The following RPS6KC1 variants were observed in gnomAD, a reference collection of about 807,000 sequenced individuals.
RPS6KC1 encodes inactive ribosomal protein S6 kinase delta-1.
A neutral mutation model predicts 103.8 loss-of-function variants in RPS6KC1; 54 were observed. That is an observed-to-expected ratio of 0.52 (90% CI 0.42 to 0.65). The LOEUF (loss-of-function observed/expected upper bound fraction) is 0.65. RPS6KC1 is among the 30% of genes least tolerant of loss of function. RPS6KC1 has a pLI of 0.00. For synonymous variants in RPS6KC1, 439 were observed against 438.7 expected (o/e 1.00, Z -0.01); for missense variants, 1,151 against 1,253.8 (o/e 0.92, Z 1.24).
At chr1:213,160,511 C>T (rs755392731) in intron 6 of RPS6KC1, among the ~76,000 whole-genome samples, 16 of 152,172 alleles carry the variant, frequency 1.1e-4, no homozygotes, top group Non-Finnish European at 1.8e-4. Context: ...ATTAAAGATA[C>T]TTTCCCTGAC....
chr1:213,736,766 T>C, the RPS6KC1 span, among the ~76,000 whole-genome samples: 3 of 152,260 alleles, frequency 2.0e-5, no homozygotes, highest in African/African-American at 7.2e-5. Context: ...TTGCCTGGAC[T>C]AGTTTTAGCA....
chr1:213,539,863 T>C, the RPS6KC1 span, among the ~76,000 whole-genome samples: 1 of 151,704 alleles, frequency 6.6e-6, no homozygotes, highest in African/African-American at 2.4e-5. Flanking sequence ...CACACACATT[T>C]TTTTGGTTCC....
chr1:213,857,420 T>C, the RPS6KC1 span, among the ~76,000 whole-genome samples: 1 of 152,242 alleles, frequency 6.6e-6, no homozygotes, highest in Non-Finnish European at 1.5e-5. Flanking sequence ...CTTTAATGTG[T>C]TCACACCTTC....
the RPS6KC1 span, among the ~76,000 whole-genome samples, chr1:213,337,895 A>G: frequency 3.9e-4 from 59 of 152,298 alleles, no homozygotes; most frequent in East Asian, 1.7e-3. Context: ...TACGTACTGT[A>G]GTAATATAGG....
chr1:213,433,846 T>TA, the RPS6KC1 span, among the ~76,000 whole-genome samples: 1 of 152,244 alleles, frequency 6.6e-6, no homozygotes, highest in East Asian at 1.9e-4. Context: ...ATTATGGACT[T>TA]ACGTCTGTTA....
At chr1:213,083,184 A>G (rs574133325) in intron 3 of RPS6KC1, among the ~76,000 whole-genome samples, 12 of 152,300 alleles carry the variant, frequency 7.9e-5, no homozygotes, top group African/African-American at 1.9e-4. Context: ...TGTCTCCCCC[A>G]AATTTTACTG....
intron 8 of RPS6KC1, among the ~76,000 whole-genome samples, chr1:213,182,453 C>T (rs1012073027): frequency 2.6e-5 from 4 of 151,834 alleles, no homozygotes; most frequent in Admixed American, 6.6e-5. Context: ...ATCATGCCAC[C>T]GCACTCCAGC....
intron 8 of RPS6KC1, among the ~76,000 whole-genome samples, chr1:213,218,051 G>T (rs1013198926): frequency 3.3e-5 from 5 of 152,106 alleles, no homozygotes; most frequent in Non-Finnish European, 7.3e-5. Flanking sequence ...AGGCAATAAA[G>T]GGTATTCAAT....
chr1:213,817,545 A>G, the RPS6KC1 span, among the ~76,000 whole-genome samples: 1 of 152,178 alleles, frequency 6.6e-6, no homozygotes, highest in Non-Finnish European at 1.5e-5. Flanking sequence ...GCTTTCAAAT[A>G]CGGACACTCC....
At chr1:213,843,776 A>G in the RPS6KC1 span, among the ~76,000 whole-genome samples, 1 of 152,230 alleles carries the variant, frequency 6.6e-6, no homozygotes, top group Non-Finnish European at 1.5e-5. Flanking sequence ...GTTCAATAAG[A>G]GAAAGATGAT....
the RPS6KC1 span, among the ~76,000 whole-genome samples, chr1:213,324,202 T>G: frequency 6.6e-6 from 1 of 152,172 alleles, no homozygotes; most frequent in African/African-American, 2.4e-5. Context: ...AAAAATCAAA[T>G]GTTAAGATTT....
At chr1:213,596,636 T>C in the RPS6KC1 span, among the ~76,000 whole-genome samples, 4 of 152,254 alleles carry the variant, frequency 2.6e-5, no homozygotes, top group Admixed American at 2.6e-4. Context: ...TTTGATCTTT[T>C]CAATTATTTT....
the RPS6KC1 span, among the ~76,000 whole-genome samples, chr1:213,646,899 T>TATATATATATATATATATA: frequency 9.9e-6 from 1 of 100,544 alleles, no homozygotes; most frequent in Non-Finnish European, 2.2e-5. Flanking sequence ...ATATATATAT[T>TATATATATATATATATATA]TTTGTTTGTT....
intron 8 of RPS6KC1, among the ~76,000 whole-genome samples, chr1:213,189,078 G>T (rs1368878015): frequency 6.6e-6 from 1 of 152,056 alleles, no homozygotes. Flanking sequence ...TTTGACATAG[G>T]TTCAAATCAG....
chr1:213,384,719 T>G, the RPS6KC1 span, among the ~76,000 whole-genome samples: 1 of 152,138 alleles, frequency 6.6e-6, no homozygotes, highest in Non-Finnish European at 1.5e-5. Flanking sequence ...AGGAAATGCC[T>G]TGGGTTTCAA....
At chr1:213,580,010 G>C in the RPS6KC1 span, among the ~76,000 whole-genome samples, 1 of 152,020 alleles carries the variant, frequency 6.6e-6, no homozygotes, top group Non-Finnish European at 1.5e-5. Flanking sequence ...GGATCAAGTA[G>C]TCATTTTGAC....
At chr1:213,422,069 G>A in the RPS6KC1 span, among the ~76,000 whole-genome samples, 1 of 152,140 alleles carries the variant, frequency 6.6e-6, no homozygotes, top group Non-Finnish European at 1.5e-5. Flanking sequence ...ATTTTAAAGT[G>A]TACAGTTCAG....
At chr1:213,055,491 C>G (rs532866375) in intron 1 of RPS6KC1, among the ~76,000 whole-genome samples, 1 of 151,980 alleles carries the variant, frequency 6.6e-6, no homozygotes, top group Non-Finnish European at 1.5e-5. Context: ...TGGGTTGTTT[C>G]CAGTTTTTGG....
the RPS6KC1 span, among the ~76,000 whole-genome samples, chr1:213,825,959 G>T: frequency 1.3e-5 from 2 of 152,042 alleles, no homozygotes; most frequent in African/African-American, 4.8e-5. Context: ...TTCGGGAAGG[G>T]GCTAATTGTA....
Sources: allele counts gnomAD v4.1 joint callset (sites outside exome capture counted in the v4.1 genomes callset), GRCh38; gene constraint gnomAD v4.1.1; transcripts MANE v1.5; gene names NCBI Gene and HGNC (gene_info 2026-07-23, HGNC 2026-07-21).